The following ADK variants were observed in gnomAD, a reference collection of about 807,000 sequenced individuals.
ADK encodes the protein N6,N6-dimethyladenosine kinase.
Under a neutral mutation model 44.7 loss-of-function variants are expected in ADK, and 24 were observed. The ratio of observed to expected loss-of-function variants is 0.54; its 90% CI spans 0.39 to 0.76. The LOEUF is 0.76. Among genes scored for constraint, ADK ranks in the 30% least tolerant of loss-of-function variants. ADK has a pLI of 0.00. For synonymous variants in ADK, 128 were observed against 142.6 expected (o/e 0.90, Z 0.73); for missense variants, 321 against 425.1 (o/e 0.76, Z 2.15).
intron 1 of ADK, among the ~76,000 whole-genome samples, chr10:74,152,617 T>G (rs1841635328): frequency 6.6e-6 from 1 of 152,202 alleles, no homozygotes; most frequent in Admixed American, 6.5e-5. Context: ...AGATTTTTCC[T>G]TAATAAAAAT....
intron 9 of ADK, among the ~76,000 whole-genome samples, chr10:74,658,396 G>A (rs1380347170): frequency 1.3e-5 from 2 of 152,156 alleles, no homozygotes; most frequent in Non-Finnish European, 2.9e-5. Flanking sequence ...TAGATGGTCA[G>A]TGAGCTATGA....
At chr10:74,172,141 T>C (rs1299809494) in intron 1 of ADK, among the ~76,000 whole-genome samples, 16 of 149,242 alleles carry the variant, frequency 1.1e-4, no homozygotes, top group South Asian at 2.1e-4. Context: ...GATTTTCTTT[T>C]TTTTTTTTTT....
intron 4 of ADK, 55 bp downstream of exon 4, chr10:74,314,800 C>CTAGACAA: frequency 7.7e-7 from 1 of 1,293,388 alleles, no homozygotes; most frequent in South Asian, 1.2e-5. Flanking sequence ...AGACCCATGT[C>CTAGACAA]TATTTTGCAT....
At chr10:74,404,000 G>A (rs550819285) in intron 6 of ADK, among the ~76,000 whole-genome samples, 5 of 152,086 alleles carry the variant, frequency 3.3e-5, no homozygotes, top group Non-Finnish European at 7.4e-5. Context: ...AGCCTCCCAA[G>A]TAGCTGGGAC....
intron 4 of ADK, among the ~76,000 whole-genome samples, chr10:74,326,240 G>A (rs1339220065): frequency 2.0e-5 from 3 of 152,146 alleles, no homozygotes; most frequent in Non-Finnish European, 2.9e-5. Context: ...TGTAGAATGA[G>A]TTTAGAAGAA....
intron 6 of ADK, among the ~76,000 whole-genome samples, chr10:74,497,708 G>A (rs1333048488): frequency 1.3e-5 from 2 of 152,188 alleles, no homozygotes; most frequent in African/African-American, 2.4e-5. Context: ...GTACACTCCT[G>A]TAGTCCCAGC....
chr10:74,329,298 G>C (rs528111615), intron 4 of ADK, among the ~76,000 whole-genome samples: 65 of 152,210 alleles, frequency 4.3e-4, no homozygotes, highest in Non-Finnish European at 8.8e-4. Context: ...AAATAGTCTA[G>C]ATTGTAACAT....
At chr10:74,502,527 T>A (rs1410399911) in intron 6 of ADK, among the ~76,000 whole-genome samples, 4 of 152,154 alleles carry the variant, frequency 2.6e-5, no homozygotes, top group Non-Finnish European at 5.9e-5. Flanking sequence ...ATTCACTTTT[T>A]TAAATTAAAA....
In ADK at chr10:74,589,322, G is replaced by A; in HGVS notation, c.762+5G>A. 1 of 1,613,366 alleles carries A rather than the reference G, an allele frequency of 6.2e-7. No homozygotes were observed. Among genetic ancestry groups the A allele is most frequent in the East Asian group, 2.2e-5 (1 of 44,868 alleles). On this transcript the variant is annotated splice_donor_5th_base_variant and intron_variant, in intron 8 of 10. Transcript: ENST00000539909. ...GCTAGAGAGCAAGGCTTTGAGGTGA[G>A]TTAACCCACAATTGCACACTAAACA... is the stretch of plus-strand genomic sequence containing the variant.
intron 6 of ADK, among the ~76,000 whole-genome samples, chr10:74,515,107 T>C (rs1400559342): frequency 6.6e-6 from 1 of 152,234 alleles, no homozygotes; most frequent in Middle Eastern, 3.2e-3. Flanking sequence ...AAAAGTCACC[T>C]CTTTTAATTT....
chr10:74,277,422 GT>G (rs11294980), intron 3 of ADK, among the ~76,000 whole-genome samples: 152,199 of 152,200 alleles, frequency 1, 76,099 homozygotes, highest in Non-Finnish European at 1. Context: ...TTGAGATGGA[GT>G]TCTCACTCTG....
intron 3 of ADK, among the ~76,000 whole-genome samples, chr10:74,298,873 A>C (rs953696064): frequency 2.0e-5 from 3 of 152,178 alleles, no homozygotes; most frequent in East Asian, 3.9e-4. Context: ...TGATCCCAGG[A>C]GTTTGAGTTC....
chr10:74,687,866 C>T (rs1271174465), intron 10 of ADK, among the ~76,000 whole-genome samples: 2 of 152,168 alleles, frequency 1.3e-5, no homozygotes, highest in African/African-American at 2.4e-5. Flanking sequence ...TAACTGATGT[C>T]TATGCCTTCA....
rs192168112 is a variant in ADK, at chr10:74,467,817, G to A, written c.556-57439G>A. Among the ~76,000 whole-genome samples, 742 of 151,932 alleles carry A rather than the reference G, an allele frequency of 4.9e-3. 5 individuals carry two copies. The highest frequency in any genetic ancestry group is 0.017 in the African/African-American group (699 of 41,468). On this transcript the variant is annotated intron_variant, in intron 6 of 10. Coordinates refer to ENST00000539909, the MANE Select transcript of ADK (RefSeq NM_006721.4). ...CCTTGGAATCACAATGAATATAAAT[G>A]TTATTTTTATTGTAGTTGATTTTGC... is the stretch of plus-strand genomic sequence containing the variant.
chr10:74,366,542 T>C (rs1046681313), intron 4 of ADK, among the ~76,000 whole-genome samples: 1 of 152,158 alleles, frequency 6.6e-6, no homozygotes, highest in African/African-American at 2.4e-5. Flanking sequence ...CAAATAAAAT[T>C]TTCGTTGAGA....
At chr10:74,552,254 A>G (rs1467310740) in intron 7 of ADK, among the ~76,000 whole-genome samples, 1 of 152,190 alleles carries the variant, frequency 6.6e-6, no homozygotes, top group Admixed American at 6.5e-5. Flanking sequence ...ATATTGATAG[A>G]AAAGATTAAA....
intron 6 of ADK, among the ~76,000 whole-genome samples, chr10:74,493,432 CTA>C (rs138316558): frequency 0.046 from 6,671 of 146,490 alleles, 492 homozygotes; most frequent in African/African-American, 0.16. Flanking sequence ...TAGACCTCAT[CTA>C]TATATATATA....
chr10:74,585,758 A>C (rs549369425), intron 7 of ADK, among the ~76,000 whole-genome samples: 25 of 152,346 alleles, frequency 1.6e-4, no homozygotes, highest in Admixed American at 2.6e-4. Context: ...CACATGTCAC[A>C]TCCACTCTGT....
intron 3 of ADK, among the ~76,000 whole-genome samples, chr10:74,296,329 A>C (rs12357370): frequency 0.48 from 73,627 of 151,998 alleles, 20,237 homozygotes; most frequent in Non-Finnish European, 0.62. Flanking sequence ...AGAAGGAAAT[A>C]ATTATGTATT....
Sources: gnomAD v4.1 joint callset for allele counts (sites outside exome capture counted in the v4.1 genomes callset) on GRCh38, gnomAD v4.1.1 for gene constraint, MANE v1.5 for transcripts, NCBI Gene and HGNC (gene_info 2026-07-23, HGNC 2026-07-21) for gene names.